Variants in DENND4A observed in about 807,000 individuals in gnomAD.
DENND4A encodes C-myc promoter-binding protein.
DENND4A carries 70 observed loss-of-function variants against 199.3 expected under a neutral mutation model. That is an observed-to-expected ratio of 0.35 (90% CI 0.29 to 0.43). DENND4A has a LOEUF of 0.43. Ranked by LOEUF, DENND4A falls within the 20% of genes least tolerant of loss-of-function variation. The pLI, the probability that DENND4A is intolerant of heterozygous loss-of-function variation, is 1.00. For synonymous variants in DENND4A, 686 were observed against 766.9 expected, an observed-to-expected ratio of 0.89 and a Z score of 1.74; for missense variants, 1,723 against 2,255.8, an observed-to-expected ratio of 0.76 and a Z score of 4.78.
At chr15:65,765,093 G>C (rs1371164085) in intron 1 of DENND4A, among the ~76,000 whole-genome samples, 1 of 151,452 alleles carries the variant, frequency 6.6e-6, no homozygotes, top group Non-Finnish European at 1.5e-5. Flanking sequence ...TTTATTCCAT[G>C]AATTGTACGA....
chr15:65,706,343 G>A, intron 14 of DENND4A, 119 bp from the exon 15 acceptor site: 3 of 1,033,478 alleles, frequency 2.9e-6, no homozygotes, highest in South Asian at 2.9e-5. Context: ...TATTAAAAAA[G>A]AAGAGTGAGC....
chr15:65,675,890 G>A (rs1017990150), intron 24 of DENND4A, among the ~76,000 whole-genome samples: 1 of 151,920 alleles, frequency 6.6e-6, no homozygotes, highest in African/African-American at 2.4e-5. Context: ...TAACATATAT[G>A]CATTATAGCA....
At chr15:65,724,235 A>C (rs2075734730) in intron 11 of DENND4A, among the ~76,000 whole-genome samples, 1 of 151,914 alleles carries the variant, frequency 6.6e-6, no homozygotes, top group Non-Finnish European at 1.5e-5. Flanking sequence ...GCTAATTTTT[A>C]TTTTGTAGAG....
intron 21 of DENND4A, 91 bp from the exon 22 acceptor site, chr15:65,696,588 A>T (rs2077153364): frequency 3.3e-6 from 3 of 912,018 alleles, no homozygotes; most frequent in Admixed American, 3.0e-5. Context: ...ACATATTTTT[A>T]CTTGAAAATA....
intron 1 of DENND4A, chr15:65,771,477 G>A (rs2077122452): frequency 6.2e-7 from 1 of 1,609,434 alleles, no homozygotes; most frequent in South Asian, 1.1e-5. Flanking sequence ...CCAGATCTGG[G>A]ATAGAAGGAA....
chr15:65,738,642 G>A (rs2076174328), intron 6 of DENND4A, 64 bp downstream of exon 6: 4 of 1,402,674 alleles, frequency 2.9e-6, no homozygotes, highest in Non-Finnish European at 3.9e-6. Context: ...ACTATTCCTT[G>A]CATTATAGAA....
intron 14 of DENND4A, among the ~76,000 whole-genome samples, chr15:65,707,265 T>C (rs1269710620): frequency 3.3e-5 from 5 of 152,026 alleles, no homozygotes; most frequent in Non-Finnish European, 7.4e-5. Flanking sequence ...AAGAATAATA[T>C]TGATATTAAT....
chr15:65,696,634 T>C (rs1475263797), intron 21 of DENND4A, 137 bp from the exon 22 acceptor site: 2 of 554,702 alleles, frequency 3.6e-6, no homozygotes, highest in East Asian at 3.3e-5. Flanking sequence ...CTATATCTGT[T>C]TGTCAACCAC....
chr15:65,788,393 A>G (rs1284445355), intron 1 of DENND4A, among the ~76,000 whole-genome samples: 1 of 152,158 alleles, frequency 6.6e-6, no homozygotes, highest in East Asian at 1.9e-4. Context: ...TTAAGAGAAC[A>G]CCTTCATCTA....
intron 12 of DENND4A, chr15:65,719,259 A>G (rs1240343965): frequency 6.6e-6 from 1 of 152,276 alleles, no homozygotes. Context: ...AAAAAGGGAA[A>G]GAAGAACTAT....
At chr15:65,757,648 T>C (rs2076743612) in intron 2 of DENND4A, among the ~76,000 whole-genome samples, 1 of 152,104 alleles carries the variant, frequency 6.6e-6, no homozygotes, top group African/African-American at 2.4e-5. Flanking sequence ...ACCATATGGA[T>C]GGTCCCAGGA....
Position 65,706,215 on chromosome 15 carries a change from C to T in DENND4A, c.1963G>A (p.Asp655Asn). 6.4e-7 allele frequency: 1 copy of T among 1,563,636 alleles called. No individual in the cohort carries two copies. Among genetic ancestry groups the T allele is most frequent in the Non-Finnish European group, 8.7e-7 (1 of 1,155,026 alleles). The stretch of plus-strand genomic sequence containing the variant: ...ATAAGTCGTACTTCACCGCTCTTGT[C>T]CATATCCACCTAAAGGAGTTTTAAA... ...FDDCVDKVDM[D>N]KSGEVRLIEL... The change falls in exon 15 of 33, where the codon GAC becomes AAC. Residue 655 changes from aspartate (D) to asparagine (N), a missense_variant. Physicochemically the swap from Asp to Asn is conservative, Grantham distance 23. Transcript: ENST00000443035.
chr15:65,713,267 T>C (rs992308035), intron 14 of DENND4A, among the ~76,000 whole-genome samples: 4 of 152,228 alleles, frequency 2.6e-5, no homozygotes, highest in African/African-American at 9.6e-5. Context: ...ACCTTAATAC[T>C]TTCTAGATTA....
chr15:65,736,388 T>C (rs2076118635), intron 7 of DENND4A, among the ~76,000 whole-genome samples: 2 of 151,582 alleles, frequency 1.3e-5, no homozygotes, highest in African/African-American at 4.9e-5. Context: ...GCCTCCAGAG[T>C]AGATGAGATT....
rs542716099 is a variant in DENND4A at position 65,717,211 on chromosome 15, G to A, written c.1807+567C>T. On this transcript the variant is annotated intron_variant, in intron 13 of 32. Coordinates refer to ENST00000443035, the MANE Select transcript of DENND4A (RefSeq NM_001320835.1). ...ACTATATATCCAATGCCTAGCATTC[G>A]GAGGTACTCAATATATACTTATTAA... 1.0e-3 allele frequency among the ~76,000 whole-genome samples: 158 copies of A among 151,508 alleles called. 1 individual carries two copies. Among genetic ancestry groups the A allele is most frequent in the Non-Finnish European group, 1.8e-3 (122 of 67,916 alleles).
chr15:65,752,120 T>G (rs1188873694), intron 4 of DENND4A, among the ~76,000 whole-genome samples: 1 of 25,418 alleles, frequency 3.9e-5, no homozygotes, highest in Non-Finnish European at 6.3e-5. Context: ...ATTGCTTTTG[T>G]AGTGGGCGGG....
At chr15:65,710,296 A>G (rs1260107455) in intron 14 of DENND4A, among the ~76,000 whole-genome samples, 1 of 152,222 alleles carries the variant, frequency 6.6e-6, no homozygotes, top group African/African-American at 2.4e-5. Context: ...GGAACAATAT[A>G]AGACTTCTCT....
chr15:65,674,045 G>A (rs2076295827), intron 24 of DENND4A, among the ~76,000 whole-genome samples: 1 of 151,946 alleles, frequency 6.6e-6, no homozygotes, highest in African/African-American at 2.4e-5. Context: ...TATACAGCAA[G>A]GGGGAAAAAA....
chr15:65,670,176 T>A lies in DENND4A; in HGVS notation c.4477A>T (p.Ser1493Cys). The A allele has an allele frequency of 6.5e-7, 1 of 1,526,920 alleles. No homozygotes were observed. The highest frequency in any genetic ancestry group is 1.3e-5 in the South Asian group (1 of 76,688). 94.6% of individuals were successfully genotyped at this position (1,526,920 alleles called of 1,614,324 possible). The change falls in exon 26 of 33, where the codon AGT becomes TGT. Residue 1493 changes from serine to cysteine, a missense_variant. Transcript: ENST00000443035. The part of the protein sequence containing the change: ...QNYAMEVLIS[S>C]CSRCRTCDCL... ...TCACAAGTTCTACACCGAGAGCAAC[T>A]TGAGATGAGAACCTGTGGGAGAAGA...
Sources: gnomAD v4.1 joint callset for allele counts (sites outside exome capture counted in the v4.1 genomes callset) on GRCh38, gnomAD v4.1.1 for gene constraint, MANE v1.5 for transcripts, NCBI Gene and HGNC (gene_info 2026-07-23, HGNC 2026-07-21) for gene names.